Variants in STAU2 observed in about 807,000 individuals in gnomAD.
The protein encoded by STAU2 is staufen double-stranded RNA binding protein 2.
Under a neutral mutation model 65.9 loss-of-function variants are expected in STAU2, and 20 were observed. That is an observed-to-expected ratio of 0.30 (90% CI 0.21 to 0.44). The LOEUF is 0.44. STAU2 is among the 20% of genes least tolerant of loss of function. The pLI is 1.00. For missense variants in STAU2, 558 were observed against 683.9 expected (o/e 0.82, Z 2.05); for synonymous variants, 232 against 233.9 (o/e 0.99, Z 0.07).
chr8:73,573,240 A>G (rs1453290316), intron 12 of STAU2, among the ~76,000 whole-genome samples: 1 of 152,262 alleles, frequency 6.6e-6, no homozygotes, highest in African/African-American at 2.4e-5. Context: ...CCAGTGCTCA[A>G]CAACATAAAA....
intron 13 of STAU2, among the ~76,000 whole-genome samples, chr8:73,448,275 GT>G (rs2128893858): frequency 6.6e-6 from 1 of 151,834 alleles, no homozygotes; most frequent in East Asian, 1.9e-4. Flanking sequence ...AGATTTTAAC[GT>G]TTGCTAAAAG....
chr8:73,657,113 C>T (rs1816439683), intron 6 of STAU2, among the ~76,000 whole-genome samples: 1 of 152,154 alleles, frequency 6.6e-6, no homozygotes, highest in African/African-American at 2.4e-5. Flanking sequence ...TAAACAGAAG[C>T]ACACAAATAC....
chr8:73,436,850 G>T (rs1007624358), intron 13 of STAU2, among the ~76,000 whole-genome samples: 3 of 152,072 alleles, frequency 2.0e-5, no homozygotes, highest in African/African-American at 7.2e-5. Context: ...ACCTCCCAAA[G>T]TGCTGGGATT....
chr8:73,508,117 C>A (rs1822173536), intron 13 of STAU2, among the ~76,000 whole-genome samples: 1 of 152,166 alleles, frequency 6.6e-6, no homozygotes, highest in Middle Eastern at 3.2e-3. Context: ...TGGAGTAACA[C>A]TTCTAATTTC....
chr8:73,427,086 G>A lies in STAU2; in HGVS notation c.1531-4384C>T, dbSNP rs562769545. Reference sequence around the variant, plus strand: ...TGGGATTACAGGCATGCACCACCACGCCAGATTACTTTTGTGTTTTTAGTA... The same window carrying A: ...TGGGATTACAGGCATGCACCACCACACCAGATTACTTTTGTGTTTTTAGTA... On this transcript the variant is annotated intron_variant, in intron 13 of 14. Coordinates refer to ENST00000524300, the MANE Select transcript of STAU2 (RefSeq NM_001164380.2). Among the ~76,000 whole-genome samples the A allele has an allele frequency of 5.3e-5, 8 of 151,900 alleles. No individual in the cohort carries two copies. In the South Asian group the frequency reaches 1.3e-3, roughly 24 times the overall value.
chr8:73,503,513 A>C (rs1321921882), intron 13 of STAU2, among the ~76,000 whole-genome samples: 4 of 152,036 alleles, frequency 2.6e-5, no homozygotes, highest in Non-Finnish European at 5.9e-5. Flanking sequence ...CATCTAAAAC[A>C]AGAACTAAAC....
intron 13 of STAU2, among the ~76,000 whole-genome samples, chr8:73,538,214 G>GTTTTATAAAACTCTTAACTAATGTACAGA (rs1253617600): frequency 1.3e-5 from 2 of 152,074 alleles, no homozygotes; most frequent in African/African-American, 4.8e-5. Context: ...TTAGTTAAGA[G>GTTTTATAAAACTCTTAACTAATGTACAGA]TTTTATATCA....
chr8:73,733,940 A>G (rs1806247262), intron 3 of STAU2, among the ~76,000 whole-genome samples: 1 of 152,170 alleles, frequency 6.6e-6, no homozygotes, highest in Non-Finnish European at 1.5e-5. Context: ...TAATTGGACA[A>G]AGAGATATAC....
intron 3 of STAU2, chr8:73,732,549 T>C (rs1806140166): frequency 6.6e-6 from 1 of 152,164 alleles, no homozygotes; most frequent in African/African-American, 2.4e-5. Context: ...ATTTTTAACC[T>C]CCTTATGTTT....
chr8:73,578,568 TCAAATGGA>T (rs1809748815), intron 12 of STAU2, among the ~76,000 whole-genome samples: 1 of 152,188 alleles, frequency 6.6e-6, no homozygotes, highest in South Asian at 2.1e-4. Flanking sequence ...ACCTGCAGGC[TCAAATGGA>T]CAGCAATGAG....
At chr8:73,671,649 A>G (rs7821768) in intron 6 of STAU2, among the ~76,000 whole-genome samples, 147,962 of 152,256 alleles carry the variant, frequency 0.97, 71,916 homozygotes, top group East Asian at 1. Flanking sequence ...AACAAAAAAG[A>G]GGGCATAAAC....
chr8:73,615,548 T>C (rs1812771241), intron 8 of STAU2, 127 bp downstream of exon 8: 1 of 641,644 alleles, frequency 1.6e-6, no homozygotes, highest in African/African-American at 1.8e-5. Flanking sequence ...CATTTCATAA[T>C]ACTGGGTTTG....
intron 3 of STAU2, among the ~76,000 whole-genome samples, chr8:73,729,983 T>G (rs1034387874): frequency 6.6e-6 from 1 of 152,222 alleles, no homozygotes; most frequent in African/African-American, 2.4e-5. Context: ...GAATCAAACT[T>G]TTGGTTTCAC....
intron 6 of STAU2, among the ~76,000 whole-genome samples, chr8:73,637,149 T>C (rs1814585507): frequency 6.7e-6 from 1 of 149,638 alleles, no homozygotes; most frequent in South Asian, 2.1e-4. Flanking sequence ...AGGGACCTGT[T>C]AGACAAAATT....
chr8:73,588,751 T>C (rs757107647), intron 11 of STAU2, among the ~76,000 whole-genome samples: 4 of 152,016 alleles, frequency 2.6e-5, no homozygotes, highest in Non-Finnish European at 5.9e-5. Context: ...AGTAAGACAC[T>C]ACACCAGTAT....
intron 13 of STAU2, among the ~76,000 whole-genome samples, chr8:73,452,097 C>T (rs1818829699): frequency 1.3e-5 from 2 of 152,230 alleles, no homozygotes; most frequent in African/African-American, 2.4e-5. Flanking sequence ...CAGACAGGTG[C>T]CGCCCTAGAC....
intron 5 of STAU2, among the ~76,000 whole-genome samples, chr8:73,685,284 AAC>A (rs1241453012): frequency 1.3e-5 from 2 of 152,184 alleles, no homozygotes; most frequent in East Asian, 1.9e-4. Context: ...AGAACAGACT[AAC>A]ACACCACCTT....
At chr8:73,617,863 AAT>A (rs1203276916) in intron 6 of STAU2, among the ~76,000 whole-genome samples, 1 of 151,916 alleles carries the variant, frequency 6.6e-6, no homozygotes, top group Non-Finnish European at 1.5e-5. Flanking sequence ...TACGATTAGA[AAT>A]ATAGATTAGA....
At chr8:73,529,195 C>T (rs1805639525) in intron 13 of STAU2, among the ~76,000 whole-genome samples, 1 of 152,126 alleles carries the variant, frequency 6.6e-6, no homozygotes, top group Admixed American at 6.6e-5. Context: ...ATTAAAAGCT[C>T]AGTCAATGTA....
Sources: allele counts gnomAD v4.1 joint callset (sites outside exome capture counted in the v4.1 genomes callset), GRCh38; gene constraint gnomAD v4.1.1; transcripts MANE v1.5; gene names NCBI Gene and HGNC (gene_info 2026-07-23, HGNC 2026-07-21).